Variants in INF2 observed in about 807,000 individuals in gnomAD.
INF2 encodes inverted formin-2.
In INF2, 43 loss-of-function variants were observed where a neutral mutation model predicts 123.5. That is an observed-to-expected ratio of 0.35 (90% CI 0.27 to 0.45). INF2 has a LOEUF of 0.45. Ranked by LOEUF, INF2 falls within the 20% of genes least tolerant of loss-of-function variation. INF2 has a pLI of 1.00. For synonymous variants in INF2, 851 were observed against 745.0 expected (o/e 1.14, Z -2.32); for missense variants, 1,453 against 1,682.7 (o/e 0.86, Z 2.39).
intron 22 of INF2, 28 bp downstream of exon 22, chr14:104,715,368 G>A (rs1890250219): frequency 6.2e-7 from 1 of 1,605,020 alleles, no homozygotes; most frequent in South Asian, 1.1e-5. Context: ...GCTCCGTGGG[G>A]GCTAACAGCA....
chr14:104,711,818 C>A, intron 16 of INF2, 119 bp downstream of exon 16: 1 of 839,038 alleles, frequency 1.2e-6, no homozygotes, highest in Non-Finnish European at 1.9e-6. Flanking sequence ...AGCCCCGGCG[C>A]CACGGAGCCC....
intron 1 of INF2, 121 bp downstream of exon 1, chr14:104,689,860 G>A: frequency 1.8e-6 from 1 of 564,374 alleles, no homozygotes. Context: ...CCCAGGTGGC[G>A]GCGGGCGGTC....
At chr14:104,697,547 C>T (rs1889246161) in intron 1 of INF2, among the ~76,000 whole-genome samples, 1 of 152,270 alleles carries the variant, frequency 6.6e-6, no homozygotes, top group African/African-American at 2.4e-5. Flanking sequence ...ACCACACACT[C>T]AGCTTGACTG....
chr14:104,701,834 G>A (rs1889522677), intron 2 of INF2, 78 bp downstream of exon 2: 2 of 1,405,960 alleles, frequency 1.4e-6, no homozygotes, highest in Non-Finnish European at 1.9e-6. Flanking sequence ...AAGGCCCCGG[G>A]AGGCCTGGGG....
intron 1 of INF2, among the ~76,000 whole-genome samples, chr14:104,692,473 G>GC (rs981380322): frequency 1.8e-4 from 27 of 152,304 alleles, no homozygotes; most frequent in South Asian, 4.1e-4. Context: ...GGAGGCCGAG[G>GC]CCCCCCAGCC....
rs753263522 is a variant in INF2 at position 104,714,623 on chromosome 14, A to T, written c.3461A>T (p.Asp1154Val). The change falls in exon 21 of 23, where the codon GAC (aspartate) becomes GTC (valine). Residue 1154 changes from aspartate (D) to valine (V), a missense_variant. Coordinates refer to ENST00000392634, the MANE Select transcript of INF2 (RefSeq NM_022489.4). ...GACAGCACAAGTGAGGGGCTGGAGG[A>T]CGCTGTCCACAGCCGTGGTGCCAGA... ...EADSTSEGLE[D>V]AVHSRGARPP... is the part of the protein sequence containing the mutation. The T allele has an allele frequency of 5.1e-5, 82 of 1,612,328 alleles. No individual in the cohort carries two copies. The highest frequency in any genetic ancestry group is 6.1e-5 in the Non-Finnish European group (72 of 1,179,842).
At position 104,703,097 on chromosome 14, in the gene INF2, C is replaced by G. The variant is rs769195530; in HGVS notation, c.392-8C>G. On this transcript the variant is annotated splice_region_variant and splice_polypyrimidine_tract_variant and intron_variant, in intron 2 of 22. Coordinates refer to ENST00000392634, the MANE Select transcript of INF2 (RefSeq NM_022489.4). ...GCCCTGCTGAGCCTGCCCACTCCACCCTGGCAGCCCTGGACACATCCAACG... is the reference window on the plus strand; with the variant it reads ...GCCCTGCTGAGCCTGCCCACTCCACGCTGGCAGCCCTGGACACATCCAACG... The G allele has an allele frequency of 3.2e-5, 51 of 1,610,458 alleles. 1 individual carries two copies. In the South Asian group the frequency reaches 3.3e-4, roughly 10 times the overall value.
At position 104,707,703 on chromosome 14, in the gene INF2, C is replaced by G; in HGVS notation, c.1436C>G (p.Pro479Arg). Residue 479 changes from proline to arginine, a missense_variant, in exon 8 of 23, where the codon CCC becomes CGC. Physicochemically the swap from Pro to Arg is moderately radical, Grantham distance 103 (BLOSUM62 -2). Coordinates refer to ENST00000392634, the MANE Select transcript of INF2 (RefSeq NM_022489.4). The part of the protein sequence containing the change: ...MAPPAPPLPP[P>R]LPGSCEFLPP... ...CCCCCAGCACCTCCTCTACCACCAC[C>G]CCTGCCAGGCTCCTGTGAGTTCCTG... is the stretch of plus-strand genomic sequence containing the variant. The G allele has an allele frequency of 1.6e-6, 2 of 1,214,034 alleles. No homozygotes were observed. Among genetic ancestry groups the G allele is most frequent in the Non-Finnish European group, 2.3e-6 (2 of 858,024 alleles). 75.2% of individuals were successfully genotyped at this position (1,214,034 alleles called of 1,614,324 possible).
At chr14:104,694,094 C>CAGGCT (rs1382949979) in intron 1 of INF2, among the ~76,000 whole-genome samples, 1 of 152,242 alleles carries the variant, frequency 6.6e-6, no homozygotes, top group Non-Finnish European at 1.5e-5. Flanking sequence ...TGGGCCAGGC[C>CAGGCT]AGGCTGTGGA....
chr14:104,716,724 T>C (rs1020216235), intron 22 of INF2, among the ~76,000 whole-genome samples: 1 of 152,200 alleles, frequency 6.6e-6, no homozygotes, highest in Non-Finnish European at 1.5e-5. Context: ...GGAGTCTCAC[T>C]CTGTTGCCCA....
chr14:104,715,164 C>A, intron 21 of INF2, 120 bp from the exon 22 acceptor site: 1 of 986,960 alleles, frequency 1.0e-6, no homozygotes, highest in Non-Finnish European at 1.6e-6. Context: ...GGCCAGAGAA[C>A]CGGGCAGCCC....
At chr14:104,714,108 A>AGGG in intron 20 of INF2, 95 bp from the exon 21 acceptor site, 1 of 1,124,340 alleles carries the variant, frequency 8.9e-7, no homozygotes, top group Non-Finnish European at 1.2e-6. Context: ...GAGGTTTTGC[A>AGGG]GGGCGTTCAG....
rs1273454879 is a variant in INF2 at position 104,715,661 on chromosome 14, C to T, written c.*1+321C>T. On this transcript the variant is annotated intron_variant, in intron 22 of 22. Coordinates refer to ENST00000392634, the MANE Select transcript of INF2 (RefSeq NM_022489.4). ...AGCAAGCAGGATCCGGGCCCTGGGGCGTGGGCGGGACCTCCTGGCTGGCAG... is the reference window on the plus strand; with the variant it reads ...AGCAAGCAGGATCCGGGCCCTGGGGTGTGGGCGGGACCTCCTGGCTGGCAG... 9 of 565,586 alleles carry T rather than the reference C, an allele frequency of 1.6e-5. No individual in the cohort carries two copies. The East Asian group carries it at 1.7e-4, about 10-fold the overall frequency. The allele number at this position is 565,586 out of a possible 1,614,324, so 35.0% of individuals were successfully genotyped here.
chr14:104,704,301 C>T (rs773628597), intron 5 of INF2: 143 of 684,564 alleles, frequency 2.1e-4, no homozygotes, highest in Non-Finnish European at 2.8e-4. Context: ...GGGTGGTTCA[C>T]GTGGACGCAA....
chr14:104,681,599 G>A (rs1411433058), intron 1 of INF2: 5 of 1,288,864 alleles, frequency 3.9e-6, no homozygotes, highest in East Asian at 5.5e-5. Context: ...GATCAGGAAC[G>A]ACAAGGCCAA....
intron 15 of INF2, among the ~76,000 whole-genome samples, 173 bp from the exon 16 acceptor site, chr14:104,711,456 C>T (rs1890044251): frequency 6.6e-6 from 1 of 152,200 alleles, no homozygotes; most frequent in South Asian, 2.1e-4. Context: ...CTAGGAAAAG[C>T]AGAAACATCA....
intron 12 of INF2, 139 bp from the exon 13 acceptor site, chr14:104,709,949 G>A (rs1889968296): frequency 3.7e-6 from 3 of 800,348 alleles, no homozygotes; most frequent in Non-Finnish European, 6.3e-6. Context: ...AGGCCCGGGA[G>A]GGTGCCTGTT....
At chr14:104,684,850 C>T (rs1595145901), upstream of INF2, 1 of 152,264 alleles carries the variant, frequency 6.6e-6, no homozygotes, top group Non-Finnish European at 1.5e-5. This position sits in a 1 kb window ranked among gnomAD's most constrained non-coding sequence, Gnocchi z 5.0. Context: ...TCTGCTCCAG[C>T]CTTTTCAGCA....
chr14:104,709,759 C>A, intron 12 of INF2, 54 bp downstream of exon 12: 1 of 1,493,914 alleles, frequency 6.7e-7, no homozygotes, highest in Non-Finnish European at 9.3e-7. Flanking sequence ...GGGAGGAGAG[C>A]AGGAATAGGG....
Sources: gnomAD v4.1 joint callset for allele counts (sites outside exome capture counted in the v4.1 genomes callset) on GRCh38, gnomAD v4.1.1 for gene constraint, Gnocchi (gnomAD v3.1) non-coding constraint, MANE v1.5 for transcripts, NCBI Gene and HGNC (gene_info 2026-07-23, HGNC 2026-07-21) for gene names.